The following EFCAB6 variants were observed in gnomAD, a reference collection of about 807,000 sequenced individuals.
EFCAB6 encodes the protein EF-hand calcium binding domain 6, also known as EF-hand calcium-binding domain-containing protein 6.
In EFCAB6, 156 loss-of-function variants were observed where a neutral mutation model predicts 169.8. That is an observed-to-expected ratio of 0.92 (90% confidence interval 0.81 to 1.05). The LOEUF (loss-of-function observed/expected upper bound fraction) is 1.05. EFCAB6 is among the 50% of genes least tolerant of loss of function. EFCAB6 has a pLI of 0.00. For synonymous variants in EFCAB6, 698 were observed against 676.4 expected (o/e 1.03, Z -0.50); for missense variants, 1,800 against 1,829.1 (o/e 0.98, Z 0.29).
chr22:43,550,533 G>A (rs930761697), intron 27 of EFCAB6, among the ~76,000 whole-genome samples: 22 of 152,068 alleles, frequency 1.4e-4, no homozygotes, highest in African/African-American at 4.6e-4. Flanking sequence ...TTAGTTGGGC[G>A]TGGTAGCGGG....
intron 8 of EFCAB6, among the ~76,000 whole-genome samples, chr22:43,718,459 C>A (rs1320944544): frequency 4.6e-5 from 7 of 152,122 alleles, no homozygotes; most frequent in African/African-American, 1.4e-4. Context: ...TCCCTCTGGG[C>A]TATATAATAA....
chr22:43,535,180 G>A (rs775516131), intron 29 of EFCAB6: 8 of 273,342 alleles, frequency 2.9e-5, no homozygotes, highest in South Asian at 2.8e-4. Flanking sequence ...GGTGTTCCCC[G>A]CCGTGTCAGG....
intron 17 of EFCAB6, among the ~76,000 whole-genome samples, chr22:43,640,835 G>C (rs540303372): frequency 6.6e-6 from 1 of 152,234 alleles, no homozygotes; most frequent in African/African-American, 2.4e-5. Context: ...CTCTGGGAAG[G>C]CTGGTCCAGT....
chr22:43,668,923 A>T lies in EFCAB6; in HGVS notation c.1763T>A (p.Leu588Ter), dbSNP rs139683924. ...TTCATCTTTTTGTAAATGTTCACTT[A>T]ACAGCTGATCCTTTGGAACAAGAAC... ...SPVLVPKDQL[L>*]SEHLQKDEQQ... The change falls in exon 16 of 32, where the codon TTA becomes TAA. Residue 588 changes from leucine to a stop codon, truncating the protein, a stop_gained. Coordinates refer to ENST00000262726, the MANE Select transcript of EFCAB6 (RefSeq NM_022785.4). LOFTEE classifies it high-confidence loss of function. 68 of 1,611,892 alleles carry T rather than the reference A, an allele frequency of 4.2e-5. No individual in the cohort carries two copies. Among genetic ancestry groups the T allele is most frequent in the Non-Finnish European group, 5.1e-5 (60 of 1,179,120 alleles).
chr22:43,748,825 G>C (rs1017259533), intron 6 of EFCAB6, among the ~76,000 whole-genome samples: 1 of 152,286 alleles, frequency 6.6e-6, no homozygotes, highest in East Asian at 1.9e-4. Flanking sequence ...GAGCTCTCTC[G>C]GGCAGAGCTC....
At chr22:43,682,435 C>T (rs541540564) in intron 12 of EFCAB6, among the ~76,000 whole-genome samples, 73 of 152,246 alleles carry the variant, frequency 4.8e-4, no homozygotes, top group African/African-American at 1.7e-3. Context: ...TTGTATAGTC[C>T]TCCATTAAAG....
rs1602375057 is a variant in EFCAB6 at position 43,577,594 on chromosome 22, C to G, written c.3229-1106G>C. On this transcript the variant is annotated intron_variant, in intron 25 of 31. Transcript: ENST00000262726. ...GTAAAGATGGACTTAACTCAGAGGGCAGGTGTAAGTTTTCCTAAGTTTGCT... is the reference window on the plus strand; with the variant it reads ...GTAAAGATGGACTTAACTCAGAGGGGAGGTGTAAGTTTTCCTAAGTTTGCT... Among the ~76,000 whole-genome samples, 3 of 152,284 alleles carry G rather than the reference C, an allele frequency of 2.0e-5. No individual in the cohort carries two copies. The Middle Eastern group carries it at 0.01, about 518-fold the overall frequency.
chr22:43,727,331 T>C (rs965059449), intron 8 of EFCAB6, among the ~76,000 whole-genome samples: 4 of 152,258 alleles, frequency 2.6e-5, no homozygotes, highest in African/African-American at 9.6e-5. Context: ...ATGAGGCTGC[T>C]GTGGGAAGGT....
chr22:43,726,527 T>C (rs1389021561), intron 8 of EFCAB6, among the ~76,000 whole-genome samples: 1 of 152,248 alleles, frequency 6.6e-6, no homozygotes, highest in East Asian at 1.9e-4. Flanking sequence ...TTTCTTGTGA[T>C]TTGGCTTTTT....
intron 27 of EFCAB6, chr22:43,552,423 C>T (rs1446592869): frequency 6.6e-6 from 1 of 152,182 alleles, no homozygotes; most frequent in African/African-American, 2.4e-5. Context: ...CAACTTCTAC[C>T]AACAGTGTAG....
intron 30 of EFCAB6, among the ~76,000 whole-genome samples, chr22:43,534,327 A>G (rs920205307): frequency 1.6e-4 from 25 of 152,142 alleles, no homozygotes; most frequent in African/African-American, 5.6e-4. Context: ...ACCTTCTGCC[A>G]TGATTGTAAG....
intron 6 of EFCAB6, among the ~76,000 whole-genome samples, chr22:43,737,364 G>A (rs13054589): frequency 1.1e-3 from 116 of 101,440 alleles, no homozygotes; most frequent in Middle Eastern, 0.015. Context: ...GTACTCATAC[G>A]CACTCACACC....
At chr22:43,679,748 C>G (rs756319035) in intron 12 of EFCAB6, among the ~76,000 whole-genome samples, 1 of 152,026 alleles carries the variant, frequency 6.6e-6, no homozygotes, top group African/African-American at 2.4e-5. Context: ...TATCTTTTCA[C>G]GGGTTCATAA....
At chr22:43,541,622 A>G (rs2047731034) in intron 27 of EFCAB6, among the ~76,000 whole-genome samples, 1 of 152,074 alleles carries the variant, frequency 6.6e-6, no homozygotes, top group Non-Finnish European at 1.5e-5. Context: ...AAGTGAGGGG[A>G]CCTTGAGGAT....
chr22:43,733,232 C>T (rs2060016928), intron 7 of EFCAB6, among the ~76,000 whole-genome samples: 1 of 152,078 alleles, frequency 6.6e-6, no homozygotes, highest in African/African-American at 2.4e-5. Context: ...ACCAGAAGAC[C>T]CAATTGAGGG....
At chr22:43,792,939 G>A (rs373837732) in intron 2 of EFCAB6, among the ~76,000 whole-genome samples, 16 of 152,350 alleles carry the variant, frequency 1.1e-4, no homozygotes, top group East Asian at 3.9e-4. Flanking sequence ...CTCTAAGCAC[G>A]TGGGGAACAT....
chr22:43,568,688 T>C (rs1255402990), intron 26 of EFCAB6, among the ~76,000 whole-genome samples: 1 of 152,052 alleles, frequency 6.6e-6, no homozygotes, highest in Non-Finnish European at 1.5e-5. Flanking sequence ...TGCATTTCCA[T>C]GGGGCCTGGC....
chr22:43,634,244 A>G (rs532009643), intron 18 of EFCAB6, among the ~76,000 whole-genome samples: 5 of 152,330 alleles, frequency 3.3e-5, no homozygotes, highest in East Asian at 1.9e-4. Flanking sequence ...TCCTTAAAAA[A>G]TATCAAAACA....
In EFCAB6 at chr22:43,540,827, C is replaced by T. The variant is rs534236301; in HGVS notation, c.3649-470G>A. ...CCCTCAGCCCCTGCACTTGCATCCA[C>T]GATTTATTTCACCCTAAGGGCAAAA... On this transcript the variant is annotated intron_variant, in intron 27 of 31. Coordinates refer to ENST00000262726, the MANE Select transcript of EFCAB6 (RefSeq NM_022785.4). 9.2e-5 allele frequency among the ~76,000 whole-genome samples: 14 copies of T among 152,228 alleles called. No homozygotes were observed. In the East Asian group the frequency reaches 2.1e-3, roughly 23 times the overall value.
Sources: allele counts gnomAD v4.1 joint callset (sites outside exome capture counted in the v4.1 genomes callset), GRCh38; gene constraint gnomAD v4.1.1; transcripts MANE v1.5; gene names NCBI Gene and HGNC (gene_info 2026-07-23, HGNC 2026-07-21).